The following PHF24 variants were observed in gnomAD, a reference collection of about 807,000 sequenced individuals.
The protein encoded by PHF24 is Galpha inhibitory interacting protein.
PHF24 carries 25 observed loss-of-function variants against 42.6 expected under a neutral mutation model. That is an observed-to-expected ratio of 0.59 (90% CI 0.43 to 0.82). The LOEUF (loss-of-function observed/expected upper bound fraction) is 0.82. PHF24 is among the 40% of genes least tolerant of loss of function. PHF24 has a pLI of 0.00. For missense variants in PHF24, 470 were observed against 538.1 expected (o/e 0.87, Z 1.25); for synonymous variants, 185 against 204.8 (o/e 0.90, Z 0.83).
At chr9:34,958,226 GCGCCGCCGCCGCCGC>G (rs1240549939), upstream of PHF24, 307 of 151,310 alleles carry the variant, frequency 2.0e-3, 1 homozygote, top group Middle Eastern at 6.6e-3. The surrounding 1 kb of genome is among the most constrained non-coding windows in gnomAD (Gnocchi z 4.5). Flanking sequence ...CCGGCCGCGC[GCGCCGCCGCCGCCGC>G]CGCCGCCGCC....
At chr9:34,955,044 G>T (rs549035825), upstream of PHF24, among the ~76,000 whole-genome samples, 2 of 152,044 alleles carry the variant, frequency 1.3e-5, no homozygotes, top group East Asian at 3.9e-4. Context: ...GCACAGCTTC[G>T]CTGCTGGAGG....
chr9:34,735,525 G>T, the PHF24 span, among the ~76,000 whole-genome samples: 1 of 151,622 alleles, frequency 6.6e-6, no homozygotes, highest in Non-Finnish European at 1.5e-5. Context: ...AGCAGGCCGG[G>T]CACGGTGGCT....
At chr9:34,859,795 C>T in the PHF24 span, among the ~76,000 whole-genome samples, 1 of 152,150 alleles carries the variant, frequency 6.6e-6, no homozygotes, top group African/African-American at 2.4e-5. Context: ...CCCAGTGTCC[C>T]ATTTATTATG....
the PHF24 span, among the ~76,000 whole-genome samples, chr9:34,676,088 A>G: frequency 3.1e-3 from 471 of 152,254 alleles, 1 homozygote; most frequent in African/African-American, 0.011. Flanking sequence ...GGTCATATAT[A>G]ATTTTGAAAA....
At chr9:34,673,667 G>A in the PHF24 span, among the ~76,000 whole-genome samples, 3 of 150,422 alleles carry the variant, frequency 2.0e-5, no homozygotes, top group Non-Finnish European at 3.0e-5. Context: ...TGTCGCCCAG[G>A]CTGGAGTGCA....
chr9:34,701,877 G>A, the PHF24 span, among the ~76,000 whole-genome samples: 1 of 152,146 alleles, frequency 6.6e-6, no homozygotes, highest in African/African-American at 2.4e-5. The surrounding 1 kb of genome is among the most constrained non-coding windows in gnomAD (Gnocchi z 5.8). Context: ...GCCCCAAATA[G>A]TCCCGATTTA....
chr9:34,744,086 C>T, the PHF24 span, among the ~76,000 whole-genome samples: 1 of 152,202 alleles, frequency 6.6e-6, no homozygotes, highest in South Asian at 2.1e-4. Context: ...TCTCTTAATA[C>T]CTTTGCACTG....
At chr9:34,882,762 C>T in the PHF24 span, among the ~76,000 whole-genome samples, 1 of 152,160 alleles carries the variant, frequency 6.6e-6, no homozygotes, top group Non-Finnish European at 1.5e-5. Context: ...TAGGAAGAAT[C>T]AGTATCATGA....
chr9:34,955,896 C>T (rs1487005949), upstream of PHF24, among the ~76,000 whole-genome samples: 3 of 152,118 alleles, frequency 2.0e-5, no homozygotes, highest in Non-Finnish European at 4.4e-5. Context: ...TGAACAATAA[C>T]GTAGTAAAAG....
At chr9:34,979,993 C>A (rs1827335521) in exon 8 of PHF24, 1 of 152,216 alleles carries the variant, frequency 6.6e-6, no homozygotes, top group Non-Finnish European at 1.5e-5. Flanking sequence ...TGGGGTTTTG[C>A]ACTGAGATGA....
the PHF24 span, among the ~76,000 whole-genome samples, chr9:34,752,400 TA>T: frequency 6.6e-6 from 1 of 152,140 alleles, no homozygotes; most frequent in Admixed American, 6.5e-5. Flanking sequence ...TAGAGGCTAC[TA>T]GGGGCAACTA....
chr9:34,771,932 A>G, the PHF24 span, among the ~76,000 whole-genome samples: 1 of 152,226 alleles, frequency 6.6e-6, no homozygotes, highest in Non-Finnish European at 1.5e-5. Flanking sequence ...TGGCTGAGAC[A>G]TGCTAGGATT....
At chr9:34,868,679 C>T in the PHF24 span, among the ~76,000 whole-genome samples, 1 of 152,174 alleles carries the variant, frequency 6.6e-6, no homozygotes, top group Non-Finnish European at 1.5e-5. Context: ...ATCAGACTTT[C>T]ACAGCTACTT....
At chr9:34,922,294 A>C in the PHF24 span, 1 of 1,592,878 alleles carries the variant, frequency 6.3e-7, no homozygotes, top group Non-Finnish European at 8.6e-7. Context: ...TCTTTGGATG[A>C]CTCTTCACTT....
the PHF24 span, among the ~76,000 whole-genome samples, chr9:34,905,099 T>A: frequency 6.6e-6 from 1 of 152,190 alleles, no homozygotes; most frequent in Non-Finnish European, 1.5e-5. Context: ...TTTAGTTTAG[T>A]TACAGTGGAT....
chr9:34,869,194 G>A, the PHF24 span, among the ~76,000 whole-genome samples: 1 of 152,124 alleles, frequency 6.6e-6, no homozygotes, highest in African/African-American at 2.4e-5. Flanking sequence ...TTGGTATTCT[G>A]AATAGTGCTG....
chr9:34,918,067 G>T, the PHF24 span: 1 of 1,437,494 alleles, frequency 7.0e-7, no homozygotes, highest in Non-Finnish European at 9.8e-7. Flanking sequence ...GACAAGGCCC[G>T]ACACCTAACT....
At chr9:34,701,992 T>G in the PHF24 span, among the ~76,000 whole-genome samples, 1 of 152,164 alleles carries the variant, frequency 6.6e-6, no homozygotes, top group African/African-American at 2.4e-5. The surrounding 1 kb of genome is among the most constrained non-coding windows in gnomAD (Gnocchi z 5.8). Flanking sequence ...TCGCACCCGA[T>G]AGATATCTTA....
chr9:34,791,675 G>C, the PHF24 span, among the ~76,000 whole-genome samples: 10 of 152,222 alleles, frequency 6.6e-5, no homozygotes, highest in South Asian at 1.9e-3. Context: ...AGTTGATAGA[G>C]AAAGAAAATC....
Sources: gnomAD v4.1 joint callset for allele counts (sites outside exome capture counted in the v4.1 genomes callset) on GRCh38, gnomAD v4.1.1 for gene constraint, Gnocchi (gnomAD v3.1) non-coding constraint, MANE v1.5 for transcripts, NCBI Gene and HGNC (gene_info 2026-07-23, HGNC 2026-07-21) for gene names.